Variants in ZNF827 observed in about 807,000 individuals in gnomAD.
ZNF827 encodes the protein zinc finger protein 827.
Under a neutral mutation model 102.4 loss-of-function variants are expected in ZNF827, and 13 were observed. That is an observed-to-expected ratio of 0.13 (90% CI 0.08 to 0.20). The LOEUF (loss-of-function observed/expected upper bound fraction) is 0.20. ZNF827 is among the 10% of genes least tolerant of loss of function. The pLI is 1.00. For missense variants in ZNF827, 1,103 were observed against 1,344.4 expected (o/e 0.82, Z 2.81); for synonymous variants, 523 against 536.2 (o/e 0.98, Z 0.34).
chr4:145,781,195 C>CAAAAAAATA (rs1737943975), intron 8 of ZNF827, among the ~76,000 whole-genome samples: 1 of 56,548 alleles, frequency 1.8e-5, no homozygotes, highest in African/African-American at 8.0e-5. Flanking sequence ...GACACCATCT[C>CAAAAAAATA]AAAAAAAAAA....
rs1197403659 is a variant in ZNF827 at position 145,759,709 on chromosome 4, A to G, written c.*1907T>C. The G allele has an allele frequency of 1.3e-5, 2 of 152,154 alleles. No homozygotes were observed. The highest frequency in any genetic ancestry group is 3.9e-4 in the East Asian group (2 of 5,194). The allele number at this position is 152,154 out of a possible 1,614,324, so 9.4% of individuals were successfully genotyped here. ...TTACTTTTTTTTTTTCAGATGAGAA[A>G]CAAAAACTAGTGCAAGACCATAGCA... On this transcript the variant is annotated 3_prime_UTR_variant, in exon 15 of 15. Coordinates refer to ENST00000508784, the MANE Select transcript of ZNF827 (RefSeq NM_001306215.2).
Position 145,774,753 on chromosome 4 carries a change from A to C in ZNF827, c.2694-81T>G. 2.1e-6 allele frequency: 3 copies of C among 1,430,100 alleles called. No homozygotes were observed. The South Asian group carries it at 4.0e-5, about 19-fold the overall frequency. 88.6% of individuals were successfully genotyped at this position (1,430,100 alleles called of 1,614,324 possible). On this transcript the variant is annotated intron_variant, in intron 10 of 14. Transcript: ENST00000508784. ...AAATGTAGGCTGTCCATTTATACAC[A>C]GTACACTCAAGAAAACTGGAATTTG...
At chr4:145,880,053 G>A (rs1749533144) in intron 4 of ZNF827, among the ~76,000 whole-genome samples, 1 of 152,110 alleles carries the variant, frequency 6.6e-6, no homozygotes, top group Non-Finnish European at 1.5e-5. Flanking sequence ...TGGCCAATAC[G>A]GTGAAACCCC....
At chr4:145,779,060 T>A (rs900655986) in intron 9 of ZNF827, among the ~76,000 whole-genome samples, 1 of 151,740 alleles carries the variant, frequency 6.6e-6, no homozygotes, top group Admixed American at 6.6e-5. Flanking sequence ...TAAGATGGAG[T>A]GTGTCCCCCT....
rs1561049145 is a variant in ZNF827, at chr4:145,892,419, G to C, written c.1094-4C>G. 1 of 1,607,906 alleles carries C rather than the reference G, an allele frequency of 6.2e-7. No individual in the cohort carries two copies. On this transcript the variant is annotated splice_polypyrimidine_tract_variant and splice_region_variant and intron_variant, in intron 2 of 14. Coordinates refer to ENST00000508784, the MANE Select transcript of ZNF827 (RefSeq NM_001306215.2). ...TTTCCACTTTCCTCTTCTGAGGCTT[G>C]GAAGAAGGAGAAAGAAAGGACCATT...
chr4:145,912,485 A>G (rs553793358), intron 1 of ZNF827, among the ~76,000 whole-genome samples: 1 of 152,348 alleles, frequency 6.6e-6, no homozygotes, highest in Non-Finnish European at 1.5e-5. Flanking sequence ...ACCTAGTATC[A>G]TGAGTTGAAT....
At chr4:145,837,892 A>T (rs1258095021) in intron 7 of ZNF827, among the ~76,000 whole-genome samples, 1 of 152,060 alleles carries the variant, frequency 6.6e-6, no homozygotes, top group African/African-American at 2.4e-5. Context: ...CTTCAGCTTA[A>T]TCTCTCCCAC....
intron 5 of ZNF827, among the ~76,000 whole-genome samples, chr4:145,857,702 G>C (rs979003089): frequency 3.3e-5 from 5 of 152,180 alleles, no homozygotes; most frequent in African/African-American, 7.2e-5. Flanking sequence ...AGCTTTGGCA[G>C]CCCAGCAGAT....
chr4:145,840,575 GA>G (rs1211707258), intron 7 of ZNF827, among the ~76,000 whole-genome samples: 1 of 152,118 alleles, frequency 6.6e-6, no homozygotes, highest in Non-Finnish European at 1.5e-5. Context: ...AGAATATATG[GA>G]GACCTCCTTA....
chr4:145,857,558 G>A (rs1362964886), intron 5 of ZNF827, among the ~76,000 whole-genome samples: 5 of 152,222 alleles, frequency 3.3e-5, no homozygotes, highest in South Asian at 2.1e-4. Flanking sequence ...TGCAGTATGA[G>A]TTTTCAACTT....
At chr4:145,838,068 A>G (rs909612600) in intron 7 of ZNF827, among the ~76,000 whole-genome samples, 8 of 152,262 alleles carry the variant, frequency 5.3e-5, no homozygotes, top group African/African-American at 1.9e-4. Context: ...CAGGCCTCTG[A>G]GCCCAAGCCA....
intron 1 of ZNF827, among the ~76,000 whole-genome samples, chr4:145,904,204 C>T (rs904340193): frequency 2.0e-5 from 3 of 152,206 alleles, no homozygotes; most frequent in Admixed American, 6.5e-5. Context: ...AGCTGATTGT[C>T]CAATTCTACT....
rs575023872 is a variant in ZNF827, at chr4:145,886,639, A to G, written c.1267-481T>C. On this transcript the variant is annotated intron_variant, in intron 3 of 14. Transcript: ENST00000508784. ...TCAAAATGCTGCTCTTAGGTAATTA[A>G]GAATGTAGAAAATAATGTCTCCAGG... 2.7e-4 allele frequency among the ~76,000 whole-genome samples: 41 copies of G among 152,310 alleles called. No individual in the cohort carries two copies. The South Asian group carries it at 7.9e-3, about 29-fold the overall frequency.
At chr4:145,772,550 A>G (rs1736444820) in intron 11 of ZNF827, among the ~76,000 whole-genome samples, 1 of 152,228 alleles carries the variant, frequency 6.6e-6, no homozygotes, top group South Asian at 2.1e-4. Context: ...GAACATGGCC[A>G]TGCCCACTCA....
chr4:145,757,990 T>A lies in ZNF827; in HGVS notation c.*3626A>T, dbSNP rs1229576449. The A allele has an allele frequency of 6.6e-6, 1 of 152,188 alleles. No individual in the cohort carries two copies. The highest frequency in any genetic ancestry group is 2.4e-5 in the African/African-American group (1 of 41,452). 9.4% of individuals were successfully genotyped at this position (152,188 alleles called of 1,614,324 possible). On this transcript the variant is annotated 3_prime_UTR_variant, in exon 15 of 15. Coordinates refer to ENST00000508784, the MANE Select transcript of ZNF827 (RefSeq NM_001306215.2). The stretch of plus-strand genomic sequence containing the variant: ...ATTTCTCAAAGATGTTAGTGTTTTA[T>A]ACGGAAAGGATATCTATGGAATACA...
chr4:145,853,139 A>G (rs1373911018), intron 5 of ZNF827, among the ~76,000 whole-genome samples: 2 of 152,350 alleles, frequency 1.3e-5, no homozygotes, highest in South Asian at 2.1e-4. Flanking sequence ...CCTGGTATCA[A>G]TCGCCACCTC....
At chr4:145,766,093 C>A (rs1735252418) in intron 11 of ZNF827, among the ~76,000 whole-genome samples, 1 of 152,178 alleles carries the variant, frequency 6.6e-6, no homozygotes, top group Non-Finnish European at 1.5e-5. Flanking sequence ...CTGTGTGGCA[C>A]AACTGTTATC....
chr4:145,927,880 G>C (rs1195494846), intron 1 of ZNF827, among the ~76,000 whole-genome samples: 2 of 152,202 alleles, frequency 1.3e-5, no homozygotes. Flanking sequence ...CAGAAGGTTT[G>C]AGTAATGTAC....
At chr4:145,845,626 G>A (rs1211012773) in intron 7 of ZNF827, among the ~76,000 whole-genome samples, 2 of 152,048 alleles carry the variant, frequency 1.3e-5, no homozygotes, top group African/African-American at 2.4e-5. Flanking sequence ...TGAGCCACCC[G>A]GCTCAACTCT....
Sources: gnomAD v4.1 joint callset for allele counts (sites outside exome capture counted in the v4.1 genomes callset) on GRCh38, gnomAD v4.1.1 for gene constraint, MANE v1.5 for transcripts, NCBI Gene and HGNC (gene_info 2026-07-23, HGNC 2026-07-21) for gene names.